Variants in PAK1 observed in about 807,000 individuals in gnomAD.
PAK1 encodes p21 (RAC1) activated kinase 1.
Under a neutral mutation model 67.4 loss-of-function variants are expected in PAK1, and 29 were observed. The observed-to-expected ratio is 0.43, with a 90% CI of 0.32 to 0.59. The LOEUF is 0.59. Ranked by LOEUF, PAK1 falls within the 20% of genes least tolerant of loss-of-function variation. The probability of loss-of-function intolerance (pLI) is 0.07; values close to 1 mark genes in which losing one functional copy is unlikely to be tolerated. For synonymous variants in PAK1, 223 were observed against 237.4 expected (o/e 0.94, Z 0.56); for missense variants, 337 against 670.7 (o/e 0.50, Z 5.50).
At chr11:77,378,839 T>C (rs1695675408) in intron 4 of PAK1, among the ~76,000 whole-genome samples, 1 of 152,194 alleles carries the variant, frequency 6.6e-6, no homozygotes, top group South Asian at 2.1e-4. Flanking sequence ...CCTCTTGCCT[T>C]GGCCTCCCAA....
intron 1 of PAK1, among the ~76,000 whole-genome samples, chr11:77,462,537 A>T (rs1345027689): frequency 6.6e-6 from 1 of 151,804 alleles, no homozygotes; most frequent in Admixed American, 6.6e-5. Context: ...GTTCTTAGTA[A>T]AGAAGTCATG....
At chr11:77,470,377 CTCT>C (rs1236933562) in intron 1 of PAK1, among the ~76,000 whole-genome samples, 3 of 152,166 alleles carry the variant, frequency 2.0e-5, no homozygotes, top group African/African-American at 7.2e-5. Flanking sequence ...TCTATTTCAT[CTCT>C]TCATTTCAGC....
At chr11:77,483,908 T>C in the PAK1 span, among the ~76,000 whole-genome samples, 2 of 152,190 alleles carry the variant, frequency 1.3e-5, no homozygotes, top group African/African-American at 4.8e-5. Flanking sequence ...ACAATACCTA[T>C]AGAATGGCAG....
chr11:77,380,976 TA>T (rs1284937195), intron 2 of PAK1, among the ~76,000 whole-genome samples: 1 of 152,118 alleles, frequency 6.6e-6, no homozygotes, highest in Non-Finnish European at 1.5e-5. Context: ...AACCTTATTT[TA>T]AAACCCTGCT....
chr11:77,330,494 A>G (rs576234618), intron 14 of PAK1, among the ~76,000 whole-genome samples: 188 of 152,316 alleles, frequency 1.2e-3, no homozygotes, highest in African/African-American at 4.3e-3. Context: ...ATCTACAACT[A>G]TCTGATCTTT....
chr11:77,388,716 T>G (rs991497984), intron 2 of PAK1, among the ~76,000 whole-genome samples: 1 of 152,210 alleles, frequency 6.6e-6, no homozygotes, highest in African/African-American at 2.4e-5. Context: ...CTTTTCTAGA[T>G]GAAGGCACTG....
At chr11:77,446,191 G>A (rs753094025) in intron 1 of PAK1, among the ~76,000 whole-genome samples, 9 of 152,052 alleles carry the variant, frequency 5.9e-5, no homozygotes, top group Non-Finnish European at 7.4e-5. Flanking sequence ...TCTATGCTAG[G>A]CTGTGCTGGC....
intron 1 of PAK1, among the ~76,000 whole-genome samples, chr11:77,426,737 A>T (rs1171856483): frequency 6.6e-6 from 1 of 152,058 alleles, no homozygotes; most frequent in African/African-American, 2.4e-5. Context: ...ACCCCTGTGG[A>T]GGCAAAAATT....
intron 2 of PAK1, among the ~76,000 whole-genome samples, chr11:77,381,312 T>G (rs982597388): frequency 2.0e-5 from 3 of 152,190 alleles, no homozygotes; most frequent in African/African-American, 7.2e-5. Flanking sequence ...CTATGCTTTC[T>G]CAAAGCTCTG....
chr11:77,380,068 T>A, intron 2 of PAK1, 74 bp from the exon 3 acceptor site: 3 of 1,089,024 alleles, frequency 2.8e-6, no homozygotes, highest in Non-Finnish European at 4.1e-6. Context: ...AGCTCTTTAT[T>A]GAGCTGTAGT....
chr11:77,398,875 ATCT>A (rs1471964423), intron 1 of PAK1, among the ~76,000 whole-genome samples: 2 of 152,192 alleles, frequency 1.3e-5, no homozygotes, highest in Admixed American at 6.5e-5. Flanking sequence ...GTTCAGTCAA[ATCT>A]AGCCAATGGC....
intron 1 of PAK1, among the ~76,000 whole-genome samples, chr11:77,442,417 C>T (rs987989572): frequency 6.6e-6 from 1 of 152,170 alleles, no homozygotes; most frequent in Non-Finnish European, 1.5e-5. Context: ...AGGAAGCCAG[C>T]TGATATGCTG....
At chr11:77,514,358 A>G in the PAK1 span, among the ~76,000 whole-genome samples, 1 of 152,160 alleles carries the variant, frequency 6.6e-6, no homozygotes, top group South Asian at 2.1e-4. Flanking sequence ...AGTCGGGTGT[A>G]GTGGCGGACA....
intron 9 of PAK1, among the ~76,000 whole-genome samples, chr11:77,347,937 A>G (rs1944683262): frequency 6.6e-6 from 1 of 152,168 alleles, no homozygotes; most frequent in African/African-American, 2.4e-5. Flanking sequence ...AAGGTTATAT[A>G]AGTAGCTAAA....
chr11:77,457,513 T>C (rs779815800), intron 1 of PAK1, among the ~76,000 whole-genome samples: 2 of 152,170 alleles, frequency 1.3e-5, no homozygotes, highest in Non-Finnish European at 2.9e-5. Context: ...AGCATTACAT[T>C]AATTGGCATA....
chr11:77,336,989 T>A (rs1334339859), intron 12 of PAK1, among the ~76,000 whole-genome samples: 1 of 151,442 alleles, frequency 6.6e-6, no homozygotes, highest in Non-Finnish European at 1.5e-5. Context: ...TGAAAGAAAT[T>A]ATACAAAACT....
chr11:77,525,200 AT>A, the PAK1 span, among the ~76,000 whole-genome samples: 1 of 150,376 alleles, frequency 6.6e-6, no homozygotes, highest in Non-Finnish European at 1.5e-5. Context: ...AAAAAAAAAA[AT>A]TGCTGGGTGT....
intron 5 of PAK1, among the ~76,000 whole-genome samples, chr11:77,368,489 T>C (rs1947920510): frequency 6.6e-6 from 1 of 151,904 alleles, no homozygotes; most frequent in South Asian, 2.1e-4. Context: ...TCCACCAAAT[T>C]CAAAAGTAAA....
chr11:77,413,819 CT>C (rs1294497494), intron 1 of PAK1, among the ~76,000 whole-genome samples: 9 of 152,058 alleles, frequency 5.9e-5, no homozygotes, highest in African/African-American at 1.7e-4. Flanking sequence ...CATTTTAAGA[CT>C]TTTTTTTAAC....
Sources: gnomAD v4.1 joint callset for allele counts (sites outside exome capture counted in the v4.1 genomes callset) on GRCh38, gnomAD v4.1.1 for gene constraint, MANE v1.5 for transcripts, NCBI Gene and HGNC (gene_info 2026-07-23, HGNC 2026-07-21) for gene names.